Variants in SMC6 observed in about 807,000 individuals in gnomAD.
SMC6 encodes structural maintenance of chromosomes protein 6.
In SMC6, 79 loss-of-function variants were observed where a neutral mutation model predicts 142.2. The ratio of observed to expected loss-of-function variants is 0.56; its 90% CI spans 0.46 to 0.67. The LOEUF is 0.67. SMC6 is among the 30% of genes least tolerant of loss of function. SMC6 has a pLI of 0.00. For missense variants in SMC6, 1,072 were observed against 1,284.0 expected, an observed-to-expected ratio of 0.83 and a Z score of 2.52; for synonymous variants, 411 against 412.4, an observed-to-expected ratio of 1.00 and a Z score of 0.04.
chr2:17,703,816 T>A (rs1668381832), intron 18 of SMC6, among the ~76,000 whole-genome samples: 1 of 152,126 alleles, frequency 6.6e-6, no homozygotes, highest in African/African-American at 2.4e-5. Context: ...GTATATTGTA[T>A]AATATACTGT....
chr2:17,665,325 A>C lies in SMC6; in HGVS notation c.*174T>G. 2.6e-6 allele frequency: 1 copy of C among 392,028 alleles called. No individual in the cohort carries two copies. The highest frequency in any genetic ancestry group is 4.5e-6 in the Non-Finnish European group (1 of 221,296). The allele number at this position is 392,028 out of a possible 1,614,324, so 24.3% of individuals were successfully genotyped here. On this transcript the variant is annotated 3_prime_UTR_variant, in exon 28 of 28. Coordinates refer to ENST00000448223, the MANE Select transcript of SMC6 (RefSeq NM_001142286.2). ...TAAAGTAATAGTAATCTTAAATTGC[A>C]GGTTGTAGTTGGTTTTCCAGGCTTA...
At chr2:17,689,371 C>T (rs1453143531) in intron 23 of SMC6, among the ~76,000 whole-genome samples, 5 of 152,138 alleles carry the variant, frequency 3.3e-5, no homozygotes, top group Admixed American at 2.6e-4. Flanking sequence ...GAACCGTCAA[C>T]ATTGGAACTG....
At chr2:17,717,789 C>A (rs1391827298) in intron 12 of SMC6, among the ~76,000 whole-genome samples, 2 of 152,126 alleles carry the variant, frequency 1.3e-5, no homozygotes, top group African/African-American at 4.8e-5. Context: ...CAAGACCAGC[C>A]TGGATATTGT....
intron 11 of SMC6, among the ~76,000 whole-genome samples, chr2:17,718,831 C>T (rs1303652776): frequency 6.6e-6 from 1 of 152,136 alleles, no homozygotes; most frequent in Non-Finnish European, 1.5e-5. Context: ...CTACAATGAA[C>T]AGCTTACAAC....
At chr2:17,715,974 A>C (rs1436934704) in intron 15 of SMC6, 112 bp downstream of exon 15, 1 of 923,050 alleles carries the variant, frequency 1.1e-6, no homozygotes, top group Non-Finnish European at 1.5e-6. Context: ...GCTTTATATA[A>C]TTTCATTATT....
intron 7 of SMC6, among the ~76,000 whole-genome samples, chr2:17,729,405 AG>A (rs1669799099): frequency 6.6e-6 from 1 of 152,224 alleles, no homozygotes; most frequent in Admixed American, 6.5e-5. Context: ...ACATTCCCCA[AG>A]GAAGTGAGAG....
chr2:17,725,233 G>A, intron 9 of SMC6, 24 bp downstream of exon 9: 3 of 1,550,706 alleles, frequency 1.9e-6, no homozygotes, highest in Non-Finnish European at 2.6e-6. Context: ...ATCTCAAAAA[G>A]ATTTACATTA....
chr2:17,667,876 A>G (rs995094861), intron 26 of SMC6, among the ~76,000 whole-genome samples: 4 of 152,196 alleles, frequency 2.6e-5, no homozygotes, highest in Non-Finnish European at 5.9e-5. Context: ...TAAATAAAAA[A>G]TAAAACTGTA....
intron 27 of SMC6, 83 bp from the exon 28 acceptor site, chr2:17,665,696 T>C (rs1245536591): frequency 6.9e-6 from 5 of 720,476 alleles, no homozygotes; most frequent in African/African-American, 3.6e-5. Context: ...CTCATGAAAA[T>C]ATAAAGCTAA....
chr2:17,707,908 C>T (rs948420270), intron 17 of SMC6, among the ~76,000 whole-genome samples: 7 of 151,140 alleles, frequency 4.6e-5, no homozygotes, highest in East Asian at 2.0e-4. Flanking sequence ...TTTACAACAA[C>T]GCTTCATTAT....
Position 17,695,148 on chromosome 2 carries a change from T to C in SMC6, c.2678+4A>G, listed in dbSNP as rs116148492. ...GTAAAGCAGAAAAGCTACCAGCTAC[T>C]TACCTCATTATTTCCTCTCGATCTC... On this transcript the variant is annotated splice_donor_region_variant and intron_variant, in intron 23 of 27. Coordinates refer to ENST00000448223, the MANE Select transcript of SMC6 (RefSeq NM_001142286.2). The C allele has an allele frequency of 2.2e-3, 3,574 of 1,613,022 alleles. 10 individuals carry two copies. The highest frequency in any genetic ancestry group is 2.7e-3 in the Non-Finnish European group (3,224 of 1,179,696).
At position 17,696,388 on chromosome 2, in the gene SMC6, T is replaced by C. The variant is rs1318408654; in HGVS notation, c.2433A>G (p.Gln811=). 1 of 1,611,302 alleles carries C rather than the reference T, an allele frequency of 6.2e-7. No individual in the cohort carries two copies. Among genetic ancestry groups the C allele is most frequent in the African/African-American group, 1.3e-5 (1 of 74,762 alleles). ...LNLADSEVDN[Q]KRGKRHYEEK... is the part of the protein sequence containing the mutation. ...CTTCATAATGTCGTTTCCCTCGTTTTTGGTTATCCACTTCAGAATCAGCAA... is the reference window on the plus strand; with the variant it reads ...CTTCATAATGTCGTTTCCCTCGTTTCTGGTTATCCACTTCAGAATCAGCAA... Residue 811 remains glutamine (Q), a synonymous_variant, in exon 22 of 28, where the codon CAA becomes CAG. Coordinates refer to ENST00000448223, the MANE Select transcript of SMC6 (RefSeq NM_001142286.2).
At chr2:17,688,753 A>G (rs374776474) in intron 23 of SMC6, among the ~76,000 whole-genome samples, 1 of 152,226 alleles carries the variant, frequency 6.6e-6, no homozygotes, top group East Asian at 1.9e-4. Context: ...AATACCAGAA[A>G]AAAAATAATT....
chr2:17,670,658 T>C, intron 25 of SMC6, 83 bp from the exon 26 acceptor site: 4 of 1,295,962 alleles, frequency 3.1e-6, no homozygotes, highest in Admixed American at 5.5e-5. Flanking sequence ...AGATAAATAA[T>C]AGATTTACAG....
At chr2:17,710,446 A>C (rs1484803364) in intron 16 of SMC6, among the ~76,000 whole-genome samples, 1 of 152,200 alleles carries the variant, frequency 6.6e-6, no homozygotes, top group Non-Finnish European at 1.5e-5. Context: ...GGCAACCTAC[A>C]AACACAGTTT....
chr2:17,734,241 G>A (rs929929203), intron 5 of SMC6, among the ~76,000 whole-genome samples: 6 of 152,130 alleles, frequency 3.9e-5, no homozygotes, highest in African/African-American at 7.2e-5. Flanking sequence ...AAGAGACCCC[G>A]CAGTATTTCC....
chr2:17,716,818 T>C lies in SMC6; in HGVS notation c.1269A>G (p.Gln423=), dbSNP rs1205332366. ...CGATCTCTTGATTGACTGAATTTTC[T>C]TGATTTTGAAAGGCCTTTACTCTCT... ...LKERVKAFQN[Q]ENSVNQEIEQ... The change falls in exon 14 of 28, where the codon CAA becomes CAG. Residue 423 remains glutamine (Q), a synonymous_variant. Coordinates refer to ENST00000448223, the MANE Select transcript of SMC6 (RefSeq NM_001142286.2). 21 of 1,613,632 alleles carry C rather than the reference T, an allele frequency of 1.3e-5. No homozygotes were observed. Among genetic ancestry groups the C allele is most frequent in the Non-Finnish European group, 1.7e-5 (20 of 1,179,846 alleles).
chr2:17,736,542 G>T (rs544751404), intron 5 of SMC6, among the ~76,000 whole-genome samples: 1 of 152,206 alleles, frequency 6.6e-6, no homozygotes, highest in African/African-American at 2.4e-5. Flanking sequence ...CAAGTAGACT[G>T]GGTGATTGTT....
intron 15 of SMC6, 52 bp from the exon 16 acceptor site, chr2:17,715,117 A>C: frequency 6.6e-7 from 1 of 1,522,702 alleles, no homozygotes; most frequent in Non-Finnish European, 9.0e-7. Context: ...ATTTTGAAAT[A>C]TTAACATCCT....
Sources: gnomAD v4.1 joint callset for allele counts (sites outside exome capture counted in the v4.1 genomes callset) on GRCh38, gnomAD v4.1.1 for gene constraint, MANE v1.5 for transcripts, NCBI Gene and HGNC (gene_info 2026-07-23, HGNC 2026-07-21) for gene names.